The following IGBP1 variants were observed in gnomAD, a reference collection of about 807,000 sequenced individuals.
IGBP1 encodes the protein immunoglobulin-binding protein 1.
IGBP1 carries 2 observed loss-of-function variants against 25.9 expected under a neutral mutation model. The observed-to-expected ratio is 0.08, with a 90% CI of 0.03 to 0.24. The LOEUF is 0.24. IGBP1 is among the 10% of genes least tolerant of loss of function. IGBP1 has a pLI of 1.00. For missense variants in IGBP1, 187 were observed against 260.4 expected, an observed-to-expected ratio of 0.72 and a Z score of 1.94; for synonymous variants, 96 against 93.4, an observed-to-expected ratio of 1.03 and a Z score of -0.16.
At chrX:70,136,276 C>T (rs890308262) in intron 3 of IGBP1, among the ~76,000 whole-genome samples, 2 of 111,490 alleles carry the variant, frequency 1.8e-5, no homozygotes, top group African/African-American at 6.5e-5. Flanking sequence ...TATATTGGTG[C>T]AGAAGCAATA....
At chrX:70,150,598 C>T (rs1412015112) in intron 6 of IGBP1, among the ~76,000 whole-genome samples, 3 of 111,924 alleles carry the variant, frequency 2.7e-5, no homozygotes, top group Non-Finnish European at 5.6e-5. Flanking sequence ...ATAGCAGTTC[C>T]GCATCTGGTA....
Position 70,133,533 on chromosome X carries a change from C to G in IGBP1, c.-233C>G, listed in dbSNP as rs2147562337. On this transcript the variant is annotated 5_prime_UTR_variant, in exon 1 of 7. Transcript: ENST00000356413. ...CTGGACTCCTCAACCTAGGGAGCTA[C>G]TCGCGAGGTAAGGGGCGCGCCAGAC... The G allele has an allele frequency of 2.9e-6, 1 of 348,757 alleles. No homozygotes were observed. The allele number at this position is 348,757 out of a possible 1,213,427, so 28.7% of individuals were successfully genotyped here. A position where few individuals can be genotyped will look rare whatever the true frequency, so the allele number is the denominator to read the frequency against.
At chrX:70,151,235 A>G (rs999134284) in intron 6 of IGBP1, among the ~76,000 whole-genome samples, 4 of 112,007 alleles carry the variant, frequency 3.6e-5, no homozygotes, top group Non-Finnish European at 7.5e-5. Flanking sequence ...TGCTGGGATT[A>G]CAGGCGTGAA....
chrX:70,151,240 C>G (rs557466612), intron 6 of IGBP1, among the ~76,000 whole-genome samples: 1 of 111,978 alleles, frequency 8.9e-6, no homozygotes, highest in Non-Finnish European at 1.9e-5. Flanking sequence ...GGATTACAGG[C>G]GTGAACCACC....
At chrX:70,145,625 T>G (rs1260843852) in intron 3 of IGBP1, among the ~76,000 whole-genome samples, 1 of 111,888 alleles carries the variant, frequency 8.9e-6, no homozygotes, top group Non-Finnish European at 1.9e-5. Context: ...ATTATGGCCC[T>G]GGCTATGTCT....
rs774499703 is a variant in IGBP1 at position 70,165,957 on chromosome X, T to C, written c.996T>C (p.Tyr332=). 6 of 1,211,234 alleles carry C rather than the reference T, an allele frequency of 5.0e-6. No homozygotes were observed. Among genetic ancestry groups the C allele is most frequent in the Non-Finnish European group, 5.6e-6 (5 of 895,228 alleles). The change falls in exon 7 of 7, where the codon TAT becomes TAC. Residue 332 remains tyrosine (Y), a synonymous_variant. Coordinates refer to ENST00000356413, the MANE Select transcript of IGBP1 (RefSeq NM_001551.3). Reference sequence around the variant, plus strand: ...GGAAGGACACCCATCCTAGGGGCTATGGGAACCGACAGAACATGGGCTGAT... The same window carrying C: ...GGAAGGACACCCATCCTAGGGGCTACGGGAACCGACAGAACATGGGCTGAT... ...DDWKDTHPRG[Y]GNRQNMG
At chrX:70,150,437 T>C (rs1469988273) in intron 6 of IGBP1, 115 bp downstream of exon 6, 2 of 526,190 alleles carry the variant, frequency 3.8e-6, no homozygotes, top group East Asian at 7.2e-5. Context: ...ACAAAGATTC[T>C]GAGTAATAGA....
intron 3 of IGBP1, among the ~76,000 whole-genome samples, chrX:70,144,957 C>T (rs1238530848): frequency 6.5e-5 from 7 of 108,092 alleles, no homozygotes; most frequent in Admixed American, 5.0e-4. Flanking sequence ...TGTGCCCGGC[C>T]GGTTCTTGAC....
chrX:70,146,028 G>A (rs2085164180), intron 3 of IGBP1, among the ~76,000 whole-genome samples: 1 of 111,819 alleles, frequency 8.9e-6, no homozygotes, highest in African/African-American at 3.3e-5. Flanking sequence ...AATGGTGCCT[G>A]TCACACAATA....
In IGBP1 at chrX:70,144,650, C is replaced by CT. The variant is rs138993842; in HGVS notation, c.483-1955dup. Among the ~76,000 whole-genome samples, 240 of 27,741 alleles carry CT rather than the reference C, an allele frequency of 8.7e-3. 57 individuals are homozygous for CT. Among genetic ancestry groups the CT allele is most frequent in the African/African-American group, 0.03 (199 of 6,539 alleles). The allele number at this position is 27,741 out of a possible 115,157, so 24.1% of individuals were successfully genotyped here. A position where few individuals can be genotyped will look rare whatever the true frequency, so the allele number is the denominator to read the frequency against. The stretch of plus-strand genomic sequence containing the variant: ...GCCTTTTCAGAACAGTGGTTCTTGA[C>CT]TTTTTTTTTTTTTTTTTTTTTTTTT... On this transcript the variant is annotated intron_variant, in intron 3 of 6. Coordinates refer to ENST00000356413, the MANE Select transcript of IGBP1 (RefSeq NM_001551.3).
chrX:70,154,153 G>GTTCACGCCA (rs1406771297), intron 6 of IGBP1, among the ~76,000 whole-genome samples: 2 of 106,201 alleles, frequency 1.9e-5, no homozygotes, highest in Non-Finnish European at 3.9e-5. Flanking sequence ...CGCCTCCCGG[G>GTTCACGCCA]TTCACGCCAT....
intron 1 of IGBP1, 65 bp from the exon 2 acceptor site, chrX:70,133,658 T>G: frequency 2.3e-6 from 1 of 427,360 alleles, no homozygotes; most frequent in Non-Finnish European, 4.1e-6. Context: ...CAGCCCCGTG[T>G]CGGCGACGAG....
At chrX:70,158,229 A>C (rs1333472371) in intron 6 of IGBP1, among the ~76,000 whole-genome samples, 1 of 112,127 alleles carries the variant, frequency 8.9e-6, no homozygotes, top group African/African-American at 3.2e-5. Context: ...TCTAGTCCTT[A>C]GTGAACTCTT....
At chrX:70,143,149 C>A (rs1206543629) in intron 3 of IGBP1, among the ~76,000 whole-genome samples, 1 of 110,957 alleles carries the variant, frequency 9.0e-6, no homozygotes, top group Non-Finnish European at 1.9e-5. Flanking sequence ...GTCTCGATCT[C>A]CTGACCTTGT....
At chrX:70,140,661 T>C (rs1421089113) in intron 3 of IGBP1, among the ~76,000 whole-genome samples, 1 of 111,978 alleles carries the variant, frequency 8.9e-6, no homozygotes, top group East Asian at 2.8e-4. Context: ...AGCTGAATGG[T>C]ATGTCCTCTG....
intron 3 of IGBP1, among the ~76,000 whole-genome samples, chrX:70,139,699 C>T (rs1193653997): frequency 8.9e-6 from 1 of 111,890 alleles, no homozygotes; most frequent in African/African-American, 3.3e-5. Flanking sequence ...TTTTCACATC[C>T]AGTCCATCAG....
Position 70,165,989 on chromosome X carries a change from A to G in IGBP1, c.*8A>G. 1 of 1,210,653 alleles carries G rather than the reference A, an allele frequency of 8.3e-7. No homozygotes were observed. The highest frequency in any genetic ancestry group is 1.1e-6 in the Non-Finnish European group (1 of 894,598). On this transcript the variant is annotated 3_prime_UTR_variant, in exon 7 of 7. Transcript: ENST00000356413. ...CGACAGAACATGGGCTGATCTTCCC[A>G]CAACACCACAGGACTGCAGGGTGCA...
intron 3 of IGBP1, among the ~76,000 whole-genome samples, chrX:70,135,881 C>T (rs976496550): frequency 1.8e-5 from 2 of 111,589 alleles, no homozygotes; most frequent in Non-Finnish European, 3.8e-5. Context: ...AATCCCAGCT[C>T]GACGACTGTG....
intron 3 of IGBP1, among the ~76,000 whole-genome samples, chrX:70,138,208 C>T (rs1368738314): frequency 4.5e-5 from 5 of 111,049 alleles, no homozygotes; most frequent in Admixed American, 9.6e-5. Context: ...AGGCTGAGTG[C>T]GGTGGCTCAT....
Sources: allele counts gnomAD v4.1 joint callset (sites outside exome capture counted in the v4.1 genomes callset), GRCh38; gene constraint gnomAD v4.1.1; transcripts MANE v1.5; gene names NCBI Gene and HGNC (gene_info 2026-07-23, HGNC 2026-07-21).